Variants in SNTG1 observed in about 807,000 individuals in gnomAD.
The protein encoded by SNTG1 is syntrophin gamma 1, also known as gamma-1-syntrophin.
SNTG1 carries 39 observed loss-of-function variants against 74.7 expected under a neutral mutation model. The ratio of observed to expected loss-of-function variants is 0.52; its 90% CI spans 0.40 to 0.68. The LOEUF is 0.68. Among genes scored for constraint, SNTG1 ranks in the 30% least tolerant of loss-of-function variants. The pLI, the probability that SNTG1 is intolerant of heterozygous loss-of-function variation, is 0.00. For missense variants in SNTG1, 685 were observed against 609.5 expected (o/e 1.12, Z -1.30); for synonymous variants, 254 against 217.1 (o/e 1.17, Z -1.49).
At chr8:49,986,359 A>G (rs903931854) in intron 1 of SNTG1, among the ~76,000 whole-genome samples, 1 of 152,118 alleles carries the variant, frequency 6.6e-6, no homozygotes, top group Admixed American at 6.5e-5. Flanking sequence ...CCCCTCTCAT[A>G]TGACTGGCCT....
chr8:50,333,701 T>C (rs973818183), intron 2 of SNTG1, among the ~76,000 whole-genome samples: 3 of 152,216 alleles, frequency 2.0e-5, no homozygotes, highest in Non-Finnish European at 4.4e-5. Context: ...ATCAGAGAAA[T>C]ACAGAACCAA....
At chr8:50,020,002 T>G (rs937538510) in intron 1 of SNTG1, among the ~76,000 whole-genome samples, 1 of 152,098 alleles carries the variant, frequency 6.6e-6, no homozygotes, top group Non-Finnish European at 1.5e-5. Flanking sequence ...GACAGCAGAA[T>G]CCATGACCAC....
At chr8:50,305,472 T>C (rs2089850014) in intron 2 of SNTG1, among the ~76,000 whole-genome samples, 2 of 152,022 alleles carry the variant, frequency 1.3e-5, no homozygotes, top group South Asian at 2.1e-4. Context: ...TTAAGTTTTG[T>C]TTACATTTTA....
At chr8:50,146,412 G>A (rs969741205) in intron 1 of SNTG1, among the ~76,000 whole-genome samples, 2 of 152,146 alleles carry the variant, frequency 1.3e-5, no homozygotes, top group Non-Finnish European at 2.9e-5. Flanking sequence ...AAGCTACTTG[G>A]GAGGCTGAGA....
intron 17 of SNTG1, among the ~76,000 whole-genome samples, chr8:50,733,479 T>C (rs911396973): frequency 2.0e-5 from 3 of 152,070 alleles, no homozygotes; most frequent in Non-Finnish European, 4.4e-5. Context: ...ATGGTATCTC[T>C]GTTTTAACTT....
At chr8:50,102,935 C>A (rs978672579) in intron 1 of SNTG1, among the ~76,000 whole-genome samples, 1 of 150,986 alleles carries the variant, frequency 6.6e-6, no homozygotes, top group Non-Finnish European at 1.5e-5. Context: ...GTTTTGGTAC[C>A]AGTACCATGC....
In SNTG1 at chr8:50,704,751, A is replaced by G; in HGVS notation, c.1190A>G (p.Gln397Arg). The G allele has an allele frequency of 6.2e-7, 1 of 1,613,998 alleles. No homozygotes were observed. Among genetic ancestry groups the G allele is most frequent in the Non-Finnish European group, 8.5e-7 (1 of 1,179,956 alleles). The change falls in exon 16 of 19, where the codon CAG becomes CGG. Residue 397 changes from glutamine to arginine, a missense_variant and splice_region_variant. Transcript: ENST00000642720. ...ACCTTTCTAGAAGTAGAACGGATAC[A>G]GGTGAGAGTCTGTGGGACTGCAGGA... Reference protein sequence around the residue: ...TATFLEVERIQCKTYACVLES... With the variant: ...TATFLEVERIRCKTYACVLES...
chr8:50,221,794 G>A (rs1002733614), intron 2 of SNTG1, among the ~76,000 whole-genome samples: 2 of 152,150 alleles, frequency 1.3e-5, no homozygotes, highest in Non-Finnish European at 2.9e-5. Context: ...CAATGCAACA[G>A]GTTCCTTTTG....
At chr8:50,112,674 C>T (rs1411292881) in intron 1 of SNTG1, among the ~76,000 whole-genome samples, 1 of 151,786 alleles carries the variant, frequency 6.6e-6, no homozygotes, top group Non-Finnish European at 1.5e-5. Context: ...AGGCCCCTGC[C>T]ACCACACTTG....
chr8:50,122,967 T>C (rs1276377101), intron 1 of SNTG1, among the ~76,000 whole-genome samples: 1 of 142,500 alleles, frequency 7.0e-6, no homozygotes, highest in African/African-American at 2.5e-5. Flanking sequence ...ACACAAACAC[T>C]CTGTGGATTC....
chr8:50,643,394 A>G (rs1015483402), intron 13 of SNTG1, among the ~76,000 whole-genome samples: 1 of 152,128 alleles, frequency 6.6e-6, no homozygotes, highest in African/African-American at 2.4e-5. Flanking sequence ...TGGTCTCCCC[A>G]TTTGAGGGGC....
At chr8:50,687,678 G>A (rs768051317) in intron 15 of SNTG1, among the ~76,000 whole-genome samples, 43 of 152,126 alleles carry the variant, frequency 2.8e-4, no homozygotes, top group Non-Finnish European at 5.3e-4. Flanking sequence ...CCGTTAACTC[G>A]TCATTAAGCA....
chr8:50,116,537 C>T (rs1334642244), intron 1 of SNTG1, among the ~76,000 whole-genome samples: 1 of 152,156 alleles, frequency 6.6e-6, no homozygotes, highest in Non-Finnish European at 1.5e-5. Flanking sequence ...CTTCTCCATC[C>T]TCAGTCATTG....
intron 2 of SNTG1, among the ~76,000 whole-genome samples, chr8:50,200,055 A>G (rs2083927751): frequency 6.6e-6 from 1 of 152,090 alleles, no homozygotes; most frequent in South Asian, 2.1e-4. Flanking sequence ...TCATGTGCCT[A>G]CCTGGTTGTT....
At chr8:50,366,518 C>A (rs2092115602) in intron 2 of SNTG1, among the ~76,000 whole-genome samples, 1 of 151,380 alleles carries the variant, frequency 6.6e-6, no homozygotes, top group Non-Finnish European at 1.5e-5. Context: ...TGAGTTTTTC[C>A]CTAAATTTAC....
At chr8:50,441,583 G>A (rs2093358182) in intron 5 of SNTG1, among the ~76,000 whole-genome samples, 1 of 152,098 alleles carries the variant, frequency 6.6e-6, no homozygotes, top group South Asian at 2.1e-4. Context: ...TATTGAAACA[G>A]CTTTACATTT....
At chr8:50,286,864 C>T (rs961408556) in intron 2 of SNTG1, 24 of 152,132 alleles carry the variant, frequency 1.6e-4, no homozygotes, top group African/African-American at 5.8e-4. Context: ...GGCTTCTGCC[C>T]CATGACTCAG....
chr8:49,911,425 C>G lies in SNTG1; in HGVS notation c.-909C>G, dbSNP rs1805573727. ...TTCTTTCATTTCTGGCATTAGGAAA[C>G]TCGTGCAGGGCCACTGAAAAGTCAG... On this transcript the variant is annotated 5_prime_UTR_variant, in exon 1 of 19. Transcript: ENST00000642720. 6.6e-6 allele frequency: 1 copy of G among 151,908 alleles called. No homozygotes were observed. Among genetic ancestry groups the G allele is most frequent in the Non-Finnish European group, 1.5e-5 (1 of 68,000 alleles). The allele number at this position is 151,908 out of a possible 1,614,324, so 9.4% of individuals were successfully genotyped here.
chr8:50,394,126 T>C (rs2092697863), intron 2 of SNTG1, 86 bp from the exon 3 acceptor site: 1 of 1,021,618 alleles, frequency 9.8e-7, no homozygotes, highest in Non-Finnish European at 1.4e-6. Flanking sequence ...CCACAAGTTC[T>C]GCTTCACGAT....
Sources: gnomAD v4.1 joint callset for allele counts (sites outside exome capture counted in the v4.1 genomes callset) on GRCh38, gnomAD v4.1.1 for gene constraint, MANE v1.5 for transcripts, NCBI Gene and HGNC (gene_info 2026-07-23, HGNC 2026-07-21) for gene names.